The following MOBP variants were observed in gnomAD, a reference collection of about 807,000 sequenced individuals.
MOBP encodes the protein myelin associated oligodendrocyte basic protein.
In MOBP, 5 loss-of-function variants were observed where a neutral mutation model predicts 15.0. That is an observed-to-expected ratio of 0.33 (90% CI 0.17 to 0.70). MOBP has a LOEUF of 0.70. MOBP is among the 30% of genes least tolerant of loss of function. The pLI, the probability that MOBP is intolerant of heterozygous loss-of-function variation, is 0.67. For missense variants in MOBP, 188 were observed against 257.8 expected, an observed-to-expected ratio of 0.73 and a Z score of 1.85; for synonymous variants, 88 against 99.0, an observed-to-expected ratio of 0.89 and a Z score of 0.66.
downstream of MOBP, among the ~76,000 whole-genome samples, chr3:39,519,478 T>C (rs1179384600): frequency 6.6e-6 from 1 of 151,830 alleles, no homozygotes; most frequent in Non-Finnish European, 1.5e-5. Flanking sequence ...TGACACTTCA[T>C]TATTTGGCTT....
At chr3:39,518,481 ATGGG>A (rs2043228237), downstream of MOBP, among the ~76,000 whole-genome samples, 3 of 152,178 alleles carry the variant, frequency 2.0e-5, no homozygotes, top group Admixed American at 2.0e-4. Flanking sequence ...TCTGATAAAG[ATGGG>A]AAGTTATTTA....
chr3:39,504,448 A>G (rs2043022914), downstream of MOBP, among the ~76,000 whole-genome samples: 1 of 152,230 alleles, frequency 6.6e-6, no homozygotes, highest in Non-Finnish European at 1.5e-5. Flanking sequence ...AACCTGGATC[A>G]GTGTATTCAC....
Position 39,510,027 on chromosome 3 carries a change from T to C in MOBP, c.*-3356T>C, listed in dbSNP as rs181027225. Among the ~76,000 whole-genome samples, 292 of 152,300 alleles carry C rather than the reference T, an allele frequency of 1.9e-3. 1 individual carries two copies. Among genetic ancestry groups the C allele is most frequent in the African/African-American group, 6.8e-3 (281 of 41,590 alleles). On this transcript the variant is annotated intron_variant, in intron 4 of 4. Coordinates refer to the MOBP transcript ENST00000311042. ...CGTATGAATTGAGGTTCAATTTTTT[T>C]GTATATGGTTTGCATATGGCTCAAT...
At chr3:39,470,201 G>A (rs2042449724) in intron 1 of MOBP, among the ~76,000 whole-genome samples, 1 of 152,140 alleles carries the variant, frequency 6.6e-6, no homozygotes, top group African/African-American at 2.4e-5. Context: ...AAAGTCTCCT[G>A]ATCAAAAGTG....
At chr3:39,472,260 G>A (rs2042481867) in intron 1 of MOBP, among the ~76,000 whole-genome samples, 1 of 152,042 alleles carries the variant, frequency 6.6e-6, no homozygotes, top group Admixed American at 6.5e-5. Flanking sequence ...TTTTTGCAGA[G>A]AAAACACTGA....
At chr3:39,497,562 A>T (rs1481340392) in intron 2 of MOBP, among the ~76,000 whole-genome samples, 3 of 152,196 alleles carry the variant, frequency 2.0e-5, no homozygotes, top group African/African-American at 7.2e-5. Context: ...ACAGATGTGG[A>T]TTCAAATCCC....
At chr3:39,495,772 A>G (rs1399088203) in intron 2 of MOBP, among the ~76,000 whole-genome samples, 4 of 150,540 alleles carry the variant, frequency 2.7e-5, no homozygotes, top group Admixed American at 6.6e-5. Context: ...AAAAAAGAAA[A>G]GAAAGAGGAA....
At chr3:39,481,190 C>A (rs1037290903) in intron 2 of MOBP, among the ~76,000 whole-genome samples, 2 of 152,220 alleles carry the variant, frequency 1.3e-5, no homozygotes, top group Non-Finnish European at 2.9e-5. Context: ...CAGAGTGGAG[C>A]AGATTTGTAT....
chr3:39,499,954 G>A, intron 2 of MOBP: 1 of 449,632 alleles, frequency 2.2e-6, no homozygotes, highest in Non-Finnish European at 4.5e-6. Flanking sequence ...CCAACATATT[G>A]CCCTCTCTTC....
intron 2 of MOBP, among the ~76,000 whole-genome samples, chr3:39,497,298 G>A (rs991673329): frequency 6.6e-6 from 1 of 152,236 alleles, no homozygotes; most frequent in Non-Finnish European, 1.5e-5. Flanking sequence ...TTCTGTTGTT[G>A]TGAAGTCTCC....
chr3:39,484,018 C>T (rs1436814634), intron 2 of MOBP, among the ~76,000 whole-genome samples: 2 of 152,166 alleles, frequency 1.3e-5, no homozygotes, highest in African/African-American at 4.8e-5. Context: ...AGGATTCAGA[C>T]AGAAACTCTG....
At chr3:39,523,072 T>C (rs1393090951) in intron 3 of MOBP, among the ~76,000 whole-genome samples, 1 of 152,226 alleles carries the variant, frequency 6.6e-6, no homozygotes, top group Non-Finnish European at 1.5e-5. Flanking sequence ...TGACACAATG[T>C]CAGATCTTCC....
At chr3:39,489,750 C>G (rs1262909757) in intron 2 of MOBP, among the ~76,000 whole-genome samples, 2 of 151,994 alleles carry the variant, frequency 1.3e-5, no homozygotes, top group Non-Finnish European at 2.9e-5. Context: ...CTGAGGATAA[C>G]AGAGGGAGCT....
chr3:39,497,113 A>C (rs879059259), intron 2 of MOBP, among the ~76,000 whole-genome samples: 10 of 152,114 alleles, frequency 6.6e-5, no homozygotes, highest in Non-Finnish European at 1.2e-4. Flanking sequence ...TATTATTTTC[A>C]TCCATCTGAG....
At chr3:39,496,441 C>T (rs112993643) in intron 2 of MOBP, among the ~76,000 whole-genome samples, 27 of 151,724 alleles carry the variant, frequency 1.8e-4, no homozygotes, top group African/African-American at 4.4e-4. Context: ...CCTCATGATC[C>T]GCCCACCTTG....
chr3:39,513,663 G>T, exon 5 of MOBP: 1 of 536,304 alleles, frequency 1.9e-6, no homozygotes. Context: ...AGCAGCACCC[G>T]CAGGCTCTAG....
chr3:39,526,824 T>C (rs1190466042), downstream of MOBP: 5 of 135,200 alleles, frequency 3.7e-5, no homozygotes. Flanking sequence ...TTACCCAGAC[T>C]GGAGTGCAAA....
chr3:39,516,120 T>A (rs1473194598), downstream of MOBP: 1 of 152,254 alleles, frequency 6.6e-6, no homozygotes, highest in Non-Finnish European at 1.5e-5. Context: ...CCGTGTAGGA[T>A]ACTCTCTGTG....
At chr3:39,495,397 GA>G (rs1271814573) in intron 2 of MOBP, among the ~76,000 whole-genome samples, 1 of 151,694 alleles carries the variant, frequency 6.6e-6, no homozygotes, top group Non-Finnish European at 1.5e-5. Flanking sequence ...TTGCACAATG[GA>G]AAAGGTTATA....
Sources: gnomAD v4.1 joint callset for allele counts (sites outside exome capture counted in the v4.1 genomes callset) on GRCh38, gnomAD v4.1.1 for gene constraint, MANE v1.5 for transcripts, NCBI Gene and HGNC (gene_info 2026-07-23, HGNC 2026-07-21) for gene names.